The following HMCES variants were observed in gnomAD, a reference collection of about 807,000 sequenced individuals.
The protein encoded by HMCES is abasic site processing protein HMCES.
In HMCES, 27 loss-of-function variants were observed where a neutral mutation model predicts 35.1. That is an observed-to-expected ratio of 0.77 (90% CI 0.57 to 1.06). The LOEUF is 1.06. Ranked by LOEUF, HMCES falls within the 50% of genes least tolerant of loss-of-function variation. The pLI is 0.00. For synonymous variants in HMCES, 130 were observed against 154.7 expected (o/e 0.84, Z 1.18); for missense variants, 391 against 430.4 (o/e 0.91, Z 0.81).
chr3:129,300,063 T>C (rs2107698288), intron 5 of HMCES, among the ~76,000 whole-genome samples: 1 of 151,718 alleles, frequency 6.6e-6, no homozygotes, highest in Middle Eastern at 3.4e-3. Context: ...TTTTACTATT[T>C]CAAGCTTCTT....
At chr3:129,301,086 G>A (rs2071160649) in intron 5 of HMCES, among the ~76,000 whole-genome samples, 1 of 150,048 alleles carries the variant, frequency 6.7e-6, no homozygotes, top group Admixed American at 6.6e-5. Context: ...CAGCTACTCA[G>A]GAGGCTGAGG....
At chr3:129,299,638 A>T (rs2071136324) in intron 5 of HMCES, among the ~76,000 whole-genome samples, 1 of 145,630 alleles carries the variant, frequency 6.9e-6, no homozygotes, top group Non-Finnish European at 1.5e-5. Context: ...TATGAACCTT[A>T]TAGGTGCTTC....
At chr3:129,281,144 C>T (rs1940469569) in intron 2 of HMCES, among the ~76,000 whole-genome samples, 1 of 151,968 alleles carries the variant, frequency 6.6e-6, no homozygotes, top group African/African-American at 2.4e-5. Flanking sequence ...ATCACTTGAA[C>T]CTGGGAGGTG....
At chr3:129,297,429 A>C (rs1268484418) in intron 4 of HMCES, among the ~76,000 whole-genome samples, 2 of 152,052 alleles carry the variant, frequency 1.3e-5, no homozygotes, top group Non-Finnish European at 2.9e-5. Flanking sequence ...TGGCAGCTTA[A>C]GACTTTTGCT....
intron 5 of HMCES, among the ~76,000 whole-genome samples, chr3:129,298,913 G>A (rs1428299856): frequency 6.6e-6 from 1 of 152,208 alleles, no homozygotes; most frequent in Non-Finnish European, 1.5e-5. Flanking sequence ...GGGATGCTGA[G>A]GTGGGTGGAT....
Position 129,300,007 on chromosome 3 carries a change from C to T in HMCES, c.635+1472C>T, listed in dbSNP as rs547940400. ...TCACTGATGTGGACTCCTTGATATC[C>T]TTTGCTCAGGAAATAATCACATGTT... is the stretch of plus-strand genomic sequence containing the variant. On this transcript the variant is annotated intron_variant, in intron 5 of 6. Transcript: ENST00000383463. Among the ~76,000 whole-genome samples the T allele has an allele frequency of 9.2e-5, 14 of 151,986 alleles. No individual in the cohort carries two copies. The East Asian group carries it at 2.7e-3, about 29-fold the overall frequency.
chr3:129,301,312 G>A (rs144110676), intron 5 of HMCES, among the ~76,000 whole-genome samples: 2 of 150,878 alleles, frequency 1.3e-5, no homozygotes, highest in East Asian at 3.9e-4. Flanking sequence ...ATTTAAAAAT[G>A]TACCATTATT....
At chr3:129,295,434 CA>C (rs112901732) in intron 4 of HMCES, among the ~76,000 whole-genome samples, 407 of 139,674 alleles carry the variant, frequency 2.9e-3, no homozygotes, top group African/African-American at 9.5e-3. Flanking sequence ...GAGACTCTAT[CA>C]AAAAAAAAAA....
intron 2 of HMCES, among the ~76,000 whole-genome samples, chr3:129,287,018 A>C (rs1361775433): frequency 4.6e-5 from 7 of 152,226 alleles, no homozygotes; most frequent in Admixed American, 4.6e-4. Flanking sequence ...AGTGTGTCTA[A>C]GGTTTATTAG....
chr3:129,303,851 T>C (rs556329882), intron 6 of HMCES, among the ~76,000 whole-genome samples: 1 of 152,112 alleles, frequency 6.6e-6, no homozygotes, highest in Non-Finnish European at 1.5e-5. Flanking sequence ...CAAATGATCC[T>C]CCCACCTCAG....
chr3:129,300,982 G>T (rs1026509175), intron 5 of HMCES, among the ~76,000 whole-genome samples: 4 of 150,962 alleles, frequency 2.6e-5, no homozygotes, highest in African/African-American at 9.8e-5. Context: ...AATGAGCCGA[G>T]ATCATGCCAT....
intron 4 of HMCES, among the ~76,000 whole-genome samples, chr3:129,297,701 C>G (rs905681169): frequency 1.3e-5 from 2 of 152,116 alleles, no homozygotes; most frequent in African/African-American, 4.8e-5. Context: ...TGTATGAAGG[C>G]TTGTGTCTCC....
Position 129,305,567 on chromosome 3 carries a change from G to A in HMCES, c.*742G>A, listed in dbSNP as rs1444317982. ...AACTATCCTTACCACAGGTGGGAAG[G>A]AAAGGACCAGTTTCTAGCAGTGTCG... On this transcript the variant is annotated 3_prime_UTR_variant, in exon 7 of 7. Transcript: ENST00000383463. The A allele has an allele frequency of 6.6e-6, 1 of 152,226 alleles. No individual in the cohort carries two copies. Among genetic ancestry groups the A allele is most frequent in the East Asian group, 1.9e-4 (1 of 5,194 alleles). The allele number at this position is 152,226 out of a possible 1,614,324, so 9.4% of individuals were successfully genotyped here. A position where few individuals can be genotyped will look rare whatever the true frequency, so the allele number is the denominator to read the frequency against.
chr3:129,294,555 T>G (rs77650374), intron 4 of HMCES, among the ~76,000 whole-genome samples: 2,082 of 152,374 alleles, frequency 0.014, 49 homozygotes, highest in African/African-American at 0.047. Flanking sequence ...ATTCTCCCAG[T>G]TCCTCCTGTC....
intron 4 of HMCES, among the ~76,000 whole-genome samples, chr3:129,295,123 C>T (rs1009332432): frequency 5.5e-5 from 8 of 146,484 alleles, no homozygotes; most frequent in Non-Finnish European, 8.9e-5. Context: ...GGCGCCACTG[C>T]ACTCCAGCCT....
chr3:129,301,805 C>A, intron 5 of HMCES, 145 bp from the exon 6 acceptor site: 1 of 683,752 alleles, frequency 1.5e-6, no homozygotes, highest in Non-Finnish European at 2.5e-6. Context: ...TCAGGGAACA[C>A]ATGGCAGCAA....
At chr3:129,296,597 T>C (rs1264641278) in intron 4 of HMCES, among the ~76,000 whole-genome samples, 1 of 152,212 alleles carries the variant, frequency 6.6e-6, no homozygotes, top group Non-Finnish European at 1.5e-5. Context: ...TTTGTGTGTC[T>C]TGTAATTTTT....
rs1208417987 is a variant in HMCES, at chr3:129,302,134, G to A, written c.820G>A (p.Val274Ile). 6.2e-7 allele frequency: 1 copy of A among 1,610,268 alleles called. No individual in the cohort carries two copies. The highest frequency in any genetic ancestry group is 1.1e-5 in the South Asian group (1 of 90,238). ...PECLAPVDLV[V>I]KKELRASGSS... ...GTGTCTGGCTCCTGTCGACTTGGTG[G>A]TCAAAAAGGTAGGGGCCTGTGACTG... is the stretch of plus-strand genomic sequence containing the variant. The change falls in exon 6 of 7, where the codon GTC (valine) becomes ATC (isoleucine). Residue 274 changes from valine (V) to isoleucine (I), a missense_variant. By Grantham distance (29) the Val-to-Ile change is conservative. Transcript: ENST00000383463.
chr3:129,289,699 A>G (rs1940745597), intron 3 of HMCES, among the ~76,000 whole-genome samples: 1 of 152,040 alleles, frequency 6.6e-6, no homozygotes, highest in South Asian at 2.1e-4. Flanking sequence ...TCTATGGGTT[A>G]CACAGAGCCA....
Sources: allele counts gnomAD v4.1 joint callset (sites outside exome capture counted in the v4.1 genomes callset), GRCh38; gene constraint gnomAD v4.1.1; transcripts MANE v1.5; gene names NCBI Gene and HGNC (gene_info 2026-07-23, HGNC 2026-07-21).